The following LEF1 variants were observed in gnomAD, a reference collection of about 807,000 sequenced individuals.
LEF1 encodes lymphoid enhancer-binding factor 1.
LEF1 carries 14 observed loss-of-function variants against 51.2 expected under a neutral mutation model. That is an observed-to-expected ratio of 0.27 (90% CI 0.18 to 0.43). LEF1 has a LOEUF of 0.43. Among genes scored for constraint, LEF1 ranks in the 20% least tolerant of loss-of-function variants. LEF1 has a pLI of 1.00. For missense variants in LEF1, 386 were observed against 512.0 expected (o/e 0.75, Z 2.37); for synonymous variants, 185 against 183.2 (o/e 1.01, Z -0.08).
chr4:108,149,501 C>T (rs982525477), intron 3 of LEF1, among the ~76,000 whole-genome samples: 41 of 142,398 alleles, frequency 2.9e-4, no homozygotes, highest in Admixed American at 2.3e-3. Flanking sequence ...ATTTTTAACA[C>T]GGTTTCATTG....
chr4:108,121,782 C>T (rs1742194201), intron 3 of LEF1, among the ~76,000 whole-genome samples: 1 of 152,172 alleles, frequency 6.6e-6, no homozygotes, highest in Admixed American at 6.5e-5. Context: ...TTTTACTGCA[C>T]CTTTTAGTCT....
rs1207012126 is a variant in LEF1, at chr4:108,157,189, C to T, written c.414+6379G>A. Among the ~76,000 whole-genome samples, 43 of 146,924 alleles carry T rather than the reference C, an allele frequency of 2.9e-4. No individual in the cohort carries two copies. The South Asian group carries it at 4.1e-3, about 14-fold the overall frequency. Reference sequence around the variant, plus strand: ...CTCTCTATATATATATACACACACACACACACACACACACACACACACACA... The same window carrying T: ...CTCTCTATATATATATACACACACATACACACACACACACACACACACACA... On this transcript the variant is annotated intron_variant, in intron 3 of 11. Transcript: ENST00000265165.
intron 3 of LEF1, among the ~76,000 whole-genome samples, chr4:108,130,544 C>A (rs1201667405): frequency 1.3e-5 from 2 of 150,146 alleles, no homozygotes; most frequent in Non-Finnish European, 3.0e-5. Context: ...ATTGGTGAAA[C>A]CCTGTCTCTA....
intron 3 of LEF1, among the ~76,000 whole-genome samples, chr4:108,150,319 T>G (rs1435041769): frequency 6.6e-6 from 1 of 152,216 alleles, no homozygotes; most frequent in African/African-American, 2.4e-5. Context: ...CATACAGCTA[T>G]TTGATTAATC....
At chr4:108,158,495 C>T (rs1560830972) in intron 3 of LEF1, among the ~76,000 whole-genome samples, 1 of 152,052 alleles carries the variant, frequency 6.6e-6, no homozygotes, top group Non-Finnish European at 1.5e-5. Context: ...CTACTTTTAC[C>T]TGGGAATAAA....
rs191425400 is a variant in LEF1 at position 108,057,860 on chromosome 4, G to T, written c.*6+5763C>A. Among the ~76,000 whole-genome samples the T allele has an allele frequency of 2.2e-4, 33 of 151,438 alleles. No individual in the cohort carries two copies. The East Asian group carries it at 6.0e-3, about 27-fold the overall frequency. On this transcript the variant is annotated intron_variant, in intron 11 of 11. Coordinates refer to ENST00000265165, the MANE Select transcript of LEF1 (RefSeq NM_016269.5). ...TTTAGCCAAATGTGTTTAAGCAGAT[G>T]ATTTTTTTTATCTTTTTTTTTTTTT...
chr4:108,069,657 G>A (rs1277820925), intron 9 of LEF1, among the ~76,000 whole-genome samples: 1 of 152,122 alleles, frequency 6.6e-6, no homozygotes, highest in Non-Finnish European at 1.5e-5. Context: ...GTGACAATAT[G>A]TATGAAGAAA....
intron 9 of LEF1, among the ~76,000 whole-genome samples, chr4:108,067,409 A>G (rs896700627): frequency 9.2e-5 from 14 of 152,236 alleles, no homozygotes; most frequent in African/African-American, 3.4e-4. Flanking sequence ...AAAGGCATTC[A>G]AGAAGCAATG....
rs1299623011 is a variant in LEF1 at position 108,166,563 on chromosome 4, T to C, written c.213+992A>G. The C allele has an allele frequency of 9.1e-6, 11 of 1,210,268 alleles. 1 individual carries two copies. Among genetic ancestry groups the C allele is most frequent in the Admixed American group, 4.3e-5 (1 of 23,424 alleles). The allele number at this position is 1,210,268 out of a possible 1,614,324, so 75.0% of individuals were successfully genotyped here. On this transcript the variant is annotated intron_variant, in intron 1 of 11. Coordinates refer to ENST00000265165, the MANE Select transcript of LEF1 (RefSeq NM_016269.5). ...GGGTCCATCCGCCCCCTAGACCAGCTCTGGACTAGGCTTCAAACAGCCCTC... is the reference window on the plus strand; with the variant it reads ...GGGTCCATCCGCCCCCTAGACCAGCCCTGGACTAGGCTTCAAACAGCCCTC...
intron 3 of LEF1, among the ~76,000 whole-genome samples, chr4:108,109,429 T>A (rs1333578147): frequency 1.3e-5 from 2 of 152,224 alleles, no homozygotes; most frequent in Non-Finnish European, 2.9e-5. Flanking sequence ...TGAATATCAC[T>A]TCTGTCACTT....
At chr4:108,164,957 C>T (rs1171134669) in intron 2 of LEF1, 140 bp downstream of exon 2, 9 of 650,624 alleles carry the variant, frequency 1.4e-5, no homozygotes, top group South Asian at 4.2e-5. Flanking sequence ...AAGTTTCCTG[C>T]GTTTTCTTTA....
intron 3 of LEF1, among the ~76,000 whole-genome samples, chr4:108,136,656 G>C (rs1461211636): frequency 6.6e-6 from 1 of 151,972 alleles, no homozygotes; most frequent in Non-Finnish European, 1.5e-5. Flanking sequence ...ACATGCTATT[G>C]TAATTCTTAC....
chr4:108,081,255 T>G (rs917923391), intron 6 of LEF1, among the ~76,000 whole-genome samples: 3 of 152,096 alleles, frequency 2.0e-5, no homozygotes, highest in African/African-American at 7.2e-5. Flanking sequence ...CCGGCATATT[T>G]TGAATCAAAC....
intron 1 of LEF1, chr4:108,166,200 G>T: frequency 6.8e-7 from 1 of 1,472,770 alleles, no homozygotes; most frequent in Non-Finnish European, 9.0e-7. Flanking sequence ...CGCTCAAACT[G>T]GATTCAACGG....
intron 3 of LEF1, among the ~76,000 whole-genome samples, chr4:108,161,959 CA>C (rs573021945): frequency 8.3e-4 from 126 of 152,090 alleles, no homozygotes; most frequent in African/African-American, 2.3e-3. Context: ...CCAAAAACAG[CA>C]AAAAAACCTG....
At chr4:108,151,014 AC>A (rs1744329048) in intron 3 of LEF1, among the ~76,000 whole-genome samples, 1 of 152,228 alleles carries the variant, frequency 6.6e-6, no homozygotes, top group Non-Finnish European at 1.5e-5. Flanking sequence ...TAAAGTATGG[AC>A]CAAAAAGATG....
intron 8 of LEF1, among the ~76,000 whole-genome samples, chr4:108,076,879 T>C (rs113703427): frequency 2.6e-5 from 4 of 151,280 alleles, no homozygotes; most frequent in Non-Finnish European, 4.4e-5. Context: ...ATACAAAAAT[T>C]AGCCAGGTGT....
At chr4:108,064,634 GTCTC>G (rs141681529) in intron 9 of LEF1, among the ~76,000 whole-genome samples, 150 of 144,370 alleles carry the variant, frequency 1.0e-3, no homozygotes, top group African/African-American at 3.4e-3. Context: ...TAGACACTTT[GTCTC>G]TCTCTCTCTC....
intron 3 of LEF1, among the ~76,000 whole-genome samples, chr4:108,135,000 G>GT (rs1368776917): frequency 2.0e-5 from 3 of 152,150 alleles, no homozygotes; most frequent in Non-Finnish European, 1.5e-5. Flanking sequence ...TACATCACTA[G>GT]GTCCAAAAAG....
Sources: allele counts gnomAD v4.1 joint callset (sites outside exome capture counted in the v4.1 genomes callset), GRCh38; gene constraint gnomAD v4.1.1; transcripts MANE v1.5; gene names NCBI Gene and HGNC (gene_info 2026-07-23, HGNC 2026-07-21).